BZW2: variants seen among roughly 807,000 people sequenced by gnomAD.
The protein encoded by BZW2 is basic leucine zipper and W2 domains 2.
A neutral mutation model predicts 53.2 loss-of-function variants in BZW2; 23 were observed. The observed-to-expected ratio is 0.43, with a 90% CI of 0.31 to 0.61. The LOEUF (loss-of-function observed/expected upper bound fraction) is 0.61, where lower values mean the gene tolerates loss of function less well. BZW2 is among the 20% of genes least tolerant of loss of function. The probability of loss-of-function intolerance (pLI) is 0.09; values close to 1 mark genes in which losing one functional copy is unlikely to be tolerated. For synonymous variants in BZW2, 227 were observed against 186.4 expected (o/e 1.22, Z -1.77); for missense variants, 409 against 503.1 (o/e 0.81, Z 1.79).
At chr7:16,698,387 C>T in intron 10 of BZW2, 2 of 566,826 alleles carry the variant, frequency 3.5e-6, no homozygotes, top group Non-Finnish European at 3.0e-6. Context: ...GCCTTGGAAA[C>T]CCTGCTTAGG....
At chr7:16,703,106 A>G (rs923490632) in intron 10 of BZW2, among the ~76,000 whole-genome samples, 1 of 152,296 alleles carries the variant, frequency 6.6e-6, no homozygotes, top group Non-Finnish European at 1.5e-5. Flanking sequence ...CTCTATGACA[A>G]TTAGGCTCTG....
At chr7:16,651,040 GA>G (rs1781974451) in intron 1 of BZW2, among the ~76,000 whole-genome samples, 1 of 151,988 alleles carries the variant, frequency 6.6e-6, no homozygotes, top group African/African-American at 2.4e-5. Flanking sequence ...AAAATTAAAG[GA>G]AAAAAGTATA....
At chr7:16,660,515 G>T (rs989597535) in intron 1 of BZW2, among the ~76,000 whole-genome samples, 1 of 151,780 alleles carries the variant, frequency 6.6e-6, no homozygotes, top group Non-Finnish European at 1.5e-5. Context: ...TAGCCACCTG[G>T]CTTTGAAATT....
At chr7:16,688,557 C>G (rs1583740305) in intron 6 of BZW2, 1 of 152,082 alleles carries the variant, frequency 6.6e-6, no homozygotes, top group South Asian at 2.1e-4. Flanking sequence ...TCAGTAGTCA[C>G]CTGGACTGGA....
intron 5 of BZW2, among the ~76,000 whole-genome samples, chr7:16,685,094 T>A (rs1248838352): frequency 6.6e-6 from 1 of 152,118 alleles, no homozygotes; most frequent in East Asian, 1.9e-4. Context: ...AAAGTAACAG[T>A]AGAATGTAGT....
chr7:16,698,788 T>C (rs1314003184), intron 10 of BZW2, among the ~76,000 whole-genome samples: 1 of 152,212 alleles, frequency 6.6e-6, no homozygotes, highest in Non-Finnish European at 1.5e-5. Context: ...ACCTACAGCA[T>C]ACAGAAATGT....
chr7:16,698,069 G>A lies in BZW2; in HGVS notation c.991G>A (p.Val331Met), dbSNP rs375769865. The change falls in exon 10 of 12, where the codon GTG becomes ATG. Residue 331 changes from valine (V) to methionine (M), a missense_variant. Coordinates refer to ENST00000258761, the MANE Select transcript of BZW2 (RefSeq NM_014038.3). Reference sequence around the variant, plus strand: ...CTAGCAATATGCTCCCCTGCTGGCCGTGTTCAGCTCCCAAGGCCAGTCAGA... The same window carrying A: ...CTAGCAATATGCTCCCCTGCTGGCCATGTTCAGCTCCCAAGGCCAGTCAGA... Reference protein sequence around the residue: ...HLKQYAPLLAVFSSQGQSELI... With the variant: ...HLKQYAPLLAMFSSQGQSELI... The A allele has an allele frequency of 9.9e-6, 16 of 1,613,938 alleles. No individual in the cohort carries two copies. The highest frequency in any genetic ancestry group is 9.3e-5 in the African/African-American group (7 of 74,910).
chr7:16,701,355 A>G (rs1197973504), intron 10 of BZW2, among the ~76,000 whole-genome samples: 2 of 152,152 alleles, frequency 1.3e-5, no homozygotes, highest in African/African-American at 2.4e-5. Context: ...TATTATCTCT[A>G]TCATGGGTTT....
chr7:16,665,987 G>A (rs1027757565), intron 2 of BZW2, among the ~76,000 whole-genome samples: 1 of 152,144 alleles, frequency 6.6e-6, no homozygotes, highest in South Asian at 2.1e-4. Context: ...TTCAATTGTG[G>A]TAAGAGTAGT....
At chr7:16,695,178 C>A (rs191069756) in intron 8 of BZW2, among the ~76,000 whole-genome samples, 174 bp downstream of exon 8, 4 of 152,316 alleles carry the variant, frequency 2.6e-5, no homozygotes, top group African/African-American at 9.6e-5. Context: ...TTAGAATCCT[C>A]CATTTTTGTT....
intron 1 of BZW2, among the ~76,000 whole-genome samples, chr7:16,655,575 T>G (rs1230588241): frequency 1.3e-5 from 2 of 152,222 alleles, no homozygotes; most frequent in Non-Finnish European, 2.9e-5. Context: ...GATACATTAT[T>G]GTTAACTATA....
chr7:16,649,851 G>A (rs1781945536), intron 1 of BZW2, among the ~76,000 whole-genome samples: 3 of 152,172 alleles, frequency 2.0e-5, no homozygotes, highest in Non-Finnish European at 1.5e-5. Context: ...GACTGAATGA[G>A]AATATAAATG....
chr7:16,699,872 T>G (rs1783616127), intron 10 of BZW2, among the ~76,000 whole-genome samples: 1 of 152,162 alleles, frequency 6.6e-6, no homozygotes, highest in Non-Finnish European at 1.5e-5. Flanking sequence ...TTCTTCTTCA[T>G]CAGCCCCAGA....
At chr7:16,683,279 T>G (rs1297511691) in intron 5 of BZW2, among the ~76,000 whole-genome samples, 2 of 152,192 alleles carry the variant, frequency 1.3e-5, no homozygotes, top group African/African-American at 4.8e-5. Flanking sequence ...GTGAAACACA[T>G]AGTGAGTTTT....
chr7:16,649,531 C>T (rs1050728640), intron 1 of BZW2, among the ~76,000 whole-genome samples: 6 of 152,206 alleles, frequency 3.9e-5, no homozygotes, highest in African/African-American at 1.4e-4. Context: ...CTTAGATTTC[C>T]CCATTAAAGA....
chr7:16,681,963 G>A (rs1482437965), intron 4 of BZW2, among the ~76,000 whole-genome samples: 2 of 152,130 alleles, frequency 1.3e-5, no homozygotes, highest in African/African-American at 4.8e-5. Context: ...AAGTATTAGT[G>A]TAAGTTGGAA....
At chr7:16,705,258 G>C (rs10264651) in intron 11 of BZW2, among the ~76,000 whole-genome samples, 5,032 of 151,504 alleles carry the variant, frequency 0.033, 269 homozygotes, top group African/African-American at 0.11. Flanking sequence ...ACTCGGGAGG[G>C]TGAGGCAGGA....
chr7:16,655,347 T>G (rs1321879512), intron 1 of BZW2, among the ~76,000 whole-genome samples: 5 of 152,202 alleles, frequency 3.3e-5, no homozygotes, highest in African/African-American at 1.2e-4. Flanking sequence ...TGCTGGAAAA[T>G]GTTTTTTTAA....
At chr7:16,703,098 C>A (rs529657240) in intron 10 of BZW2, among the ~76,000 whole-genome samples, 4 of 152,118 alleles carry the variant, frequency 2.6e-5, no homozygotes, top group Non-Finnish European at 5.9e-5. Context: ...CTCCTCAGCT[C>A]TATGACAATT....
Sources: allele counts gnomAD v4.1 joint callset (sites outside exome capture counted in the v4.1 genomes callset), GRCh38; gene constraint gnomAD v4.1.1; transcripts MANE v1.5; gene names NCBI Gene and HGNC (gene_info 2026-07-23, HGNC 2026-07-21).